Variants in DOCK4 observed in about 807,000 individuals in gnomAD.
DOCK4 encodes dedicator of cytokinesis 4.
Under a neutral mutation model 268.1 loss-of-function variants are expected in DOCK4, and 97 were observed. The observed-to-expected ratio is 0.36, with a 90% CI of 0.31 to 0.43. The LOEUF is 0.43. DOCK4 is among the 20% of genes least tolerant of loss of function. DOCK4 has a pLI of 1.00. For synonymous variants in DOCK4, 954 were observed against 887.2 expected, an observed-to-expected ratio of 1.08 and a Z score of -1.34; for missense variants, 2,145 against 2,455.7, an observed-to-expected ratio of 0.87 and a Z score of 2.67.
chr7:111,944,644 G>T (rs1795474531), intron 10 of DOCK4, among the ~76,000 whole-genome samples, 167 bp downstream of exon 10: 1 of 152,202 alleles, frequency 6.6e-6, no homozygotes, highest in South Asian at 2.1e-4. Flanking sequence ...CATATGTGGG[G>T]TTGGGAAGGT....
At chr7:112,195,953 ATG>A (rs1820385162) in intron 1 of DOCK4, among the ~76,000 whole-genome samples, 1 of 152,094 alleles carries the variant, frequency 6.6e-6, no homozygotes, top group African/African-American at 2.4e-5. Context: ...ACAAATACAC[ATG>A]TGTTAGTAGT....
At chr7:112,050,599 G>A (rs180701368) in intron 1 of DOCK4, among the ~76,000 whole-genome samples, 2 of 152,120 alleles carry the variant, frequency 1.3e-5, no homozygotes, top group East Asian at 1.9e-4. Flanking sequence ...CCAATAATAC[G>A]TTTTTAGACA....
chr7:111,876,212 T>C (rs576647532), intron 17 of DOCK4, among the ~76,000 whole-genome samples: 23 of 152,292 alleles, frequency 1.5e-4, no homozygotes, highest in Middle Eastern at 3.4e-3. Context: ...ATAAATACAG[T>C]AGCAATGCAT....
chr7:112,188,004 A>G (rs980772734), intron 1 of DOCK4, among the ~76,000 whole-genome samples: 3 of 152,258 alleles, frequency 2.0e-5, no homozygotes, highest in Non-Finnish European at 4.4e-5. Flanking sequence ...TTATTTAAAT[A>G]ACTTAATAGC....
intron 22 of DOCK4, among the ~76,000 whole-genome samples, chr7:111,867,374 T>C (rs1263236531): frequency 6.6e-6 from 1 of 152,030 alleles, no homozygotes; most frequent in East Asian, 1.9e-4. Flanking sequence ...ATCAAGAAAG[T>C]ATAGGGAAAA....
intron 8 of DOCK4, among the ~76,000 whole-genome samples, chr7:111,959,361 T>C (rs1273667241): frequency 1.3e-5 from 2 of 152,224 alleles, no homozygotes; most frequent in African/African-American, 2.4e-5. Flanking sequence ...AGACGTCACA[T>C]TTTTGAGCTG....
chr7:112,075,906 A>G (rs1259918175), intron 1 of DOCK4, among the ~76,000 whole-genome samples: 3 of 152,172 alleles, frequency 2.0e-5, no homozygotes, highest in African/African-American at 4.8e-5. Context: ...AACACTTAAA[A>G]TTGTAGTACA....
intron 7 of DOCK4, among the ~76,000 whole-genome samples, chr7:111,979,654 C>T (rs971292135): frequency 3.3e-5 from 5 of 152,090 alleles, no homozygotes; most frequent in African/African-American, 1.2e-4. Context: ...GCACAAGCTA[C>T]TATGAAGAAC....
intron 52 of DOCK4, among the ~76,000 whole-genome samples, chr7:111,729,526 C>T (rs755383106): frequency 1.2e-4 from 18 of 152,126 alleles, no homozygotes; most frequent in Non-Finnish European, 2.1e-4. Flanking sequence ...CCAGCCTGGG[C>T]AACACAATGA....
At chr7:111,937,261 C>T (rs776253179) in intron 11 of DOCK4, among the ~76,000 whole-genome samples, 2 of 152,176 alleles carry the variant, frequency 1.3e-5, no homozygotes, top group Non-Finnish European at 2.9e-5. Flanking sequence ...TTTTTTCTAA[C>T]AGGCACTTTC....
chr7:112,097,432 G>C (rs1274637283), intron 1 of DOCK4, among the ~76,000 whole-genome samples: 1 of 151,868 alleles, frequency 6.6e-6, no homozygotes, highest in East Asian at 1.9e-4. Flanking sequence ...TAAGTTAGCT[G>C]GGTGTGATGG....
At chr7:112,146,930 A>G (rs143354699) in intron 1 of DOCK4, among the ~76,000 whole-genome samples, 1,724 of 152,322 alleles carry the variant, frequency 0.011, 11 homozygotes, top group Non-Finnish European at 0.017. Flanking sequence ...GCAAATAAAA[A>G]TGTTTTAAAT....
intron 1 of DOCK4, among the ~76,000 whole-genome samples, chr7:112,130,997 A>C (rs1813744107): frequency 6.6e-6 from 1 of 152,196 alleles, no homozygotes; most frequent in African/African-American, 2.4e-5. Context: ...GTCATTTCTC[A>C]CAATGGTCAA....
intron 1 of DOCK4, among the ~76,000 whole-genome samples, chr7:112,142,583 T>C (rs902307403): frequency 1.6e-4 from 24 of 152,198 alleles, no homozygotes; most frequent in African/African-American, 5.8e-4. Flanking sequence ...TTAAACATTT[T>C]AGTCCTTGAA....
At chr7:112,170,456 G>A (rs1002072001) in intron 1 of DOCK4, among the ~76,000 whole-genome samples, 3 of 151,486 alleles carry the variant, frequency 2.0e-5, no homozygotes, top group East Asian at 1.9e-4. Flanking sequence ...ATAATACCCC[G>A]TCTTAAAAAA....
At chr7:111,734,562 C>T (rs1366203091) in intron 51 of DOCK4, among the ~76,000 whole-genome samples, 1 of 152,174 alleles carries the variant, frequency 6.6e-6, no homozygotes, top group African/African-American at 2.4e-5. Flanking sequence ...ATAGTCCTTG[C>T]ATAAAGACCT....
In DOCK4 at chr7:111,839,634, C is replaced by T. The variant is rs576561719; in HGVS notation, c.2737-4948G>A. Reference sequence around the variant, plus strand: ...TAACTTATAATCATGACATATAATCCCTTGGGCATTTATGATGATTATTGT... The same window carrying T: ...TAACTTATAATCATGACATATAATCTCTTGGGCATTTATGATGATTATTGT... On this transcript the variant is annotated intron_variant, in intron 25 of 52. Transcript: ENST00000428084. Among the ~76,000 whole-genome samples the T allele has an allele frequency of 3.3e-5, 5 of 152,132 alleles. No individual in the cohort carries two copies. In the South Asian group the frequency reaches 8.3e-4, roughly 25 times the overall value.
chr7:111,868,199 A>T, intron 21 of DOCK4, 45 bp from the exon 22 acceptor site: 1 of 1,447,278 alleles, frequency 6.9e-7, no homozygotes. Flanking sequence ...GGAGACAAAG[A>T]GTATTTATTT....
intron 8 of DOCK4, among the ~76,000 whole-genome samples, chr7:111,962,511 G>A (rs1411336222): frequency 6.6e-6 from 1 of 152,096 alleles, no homozygotes; most frequent in South Asian, 2.1e-4. Context: ...TTGAACTCTT[G>A]CCAGCTGACT....
Sources: allele counts gnomAD v4.1 joint callset (sites outside exome capture counted in the v4.1 genomes callset), GRCh38; gene constraint gnomAD v4.1.1; transcripts MANE v1.5; gene names NCBI Gene and HGNC (gene_info 2026-07-23, HGNC 2026-07-21).